The following TMEM169 variants were observed in gnomAD, a reference collection of about 807,000 sequenced individuals.
The protein encoded by TMEM169 is transmembrane protein 169.
TMEM169 carries 18 observed loss-of-function variants against 27.3 expected under a neutral mutation model. The ratio of observed to expected loss-of-function variants is 0.66; its 90% confidence interval spans 0.46 to 0.98. The LOEUF (loss-of-function observed/expected upper bound fraction) is 0.98. Among genes scored for constraint, TMEM169 ranks in the 50% least tolerant of loss-of-function variants. The pLI, the probability that TMEM169 is intolerant of heterozygous loss-of-function variation, is 0.00. For synonymous variants in TMEM169, 136 were observed against 142.1 expected (o/e 0.96, Z 0.30); for missense variants, 320 against 368.6 (o/e 0.87, Z 1.08).
rs765522130 is a variant in TMEM169 at position 216,096,152 on chromosome 2, T to C, written c.189T>C (p.Asp63=). The change falls in exon 2 of 3, where the codon GAT becomes GAC. Residue 63 remains aspartate (D), a synonymous_variant. Coordinates refer to ENST00000437356, the MANE Select transcript of TMEM169 (RefSeq NM_001142311.2). ...ACCGCTCAGACAATGAGAAAACAGA[T>C]GAGGAGCCCGGAGAATCAGAAGGTG... The part of the protein sequence containing the change: ...IIYRSDNEKT[D]EEPGESEGGD... The C allele has an allele frequency of 8.1e-6, 13 of 1,613,902 alleles. No individual in the cohort carries two copies. The highest frequency in any genetic ancestry group is 1.6e-4 in the Middle Eastern group (1 of 6,084).
At chr2:216,093,189 G>A (rs905268741) in intron 1 of TMEM169, among the ~76,000 whole-genome samples, 8 of 150,854 alleles carry the variant, frequency 5.3e-5, no homozygotes, top group African/African-American at 2.0e-4. Flanking sequence ...TCACCTGGGG[G>A]TGGATTGCAT....
At chr2:216,086,252 G>A (rs1430159475) in intron 1 of TMEM169, among the ~76,000 whole-genome samples, 1 of 151,864 alleles carries the variant, frequency 6.6e-6, no homozygotes, top group African/African-American at 2.4e-5. Context: ...TTTAGTAGAG[G>A]GGGTTTCACC....
In TMEM169 at chr2:216,100,053, TAA is replaced by T; in HGVS notation, c.407_408del (p.Lys136ArgfsTer9). 1 of 1,614,052 alleles carries T rather than the reference TAA, an allele frequency of 6.2e-7. No homozygotes were observed. ...EKELQELTKP[K>X]ESSRETTPEG... ...AAGAGCTGCAGGAACTGACCAAACC[TAA>T]AGAGTCATCAAGGGAAACGACGCCT... On this transcript the variant is annotated frameshift_variant, in exon 3 of 3. Transcript: ENST00000437356. LOFTEE classifies it high-confidence loss of function.
At chr2:216,089,566 C>T (rs752880476) in intron 1 of TMEM169, among the ~76,000 whole-genome samples, 6 of 152,206 alleles carry the variant, frequency 3.9e-5, no homozygotes, top group Non-Finnish European at 8.8e-5. Flanking sequence ...AAGCGATTCT[C>T]CTGCCTCAGC....
At chr2:216,090,539 T>C (rs1574432157) in intron 1 of TMEM169, among the ~76,000 whole-genome samples, 1 of 152,254 alleles carries the variant, frequency 6.6e-6, no homozygotes, top group East Asian at 1.9e-4. Context: ...GCTAAGCCAC[T>C]CTCACACTTC....
In TMEM169 at chr2:216,099,588, T is replaced by C. The variant is rs373885713; in HGVS notation, c.272-332T>C. Among the ~76,000 whole-genome samples the C allele has an allele frequency of 1.3e-5, 2 of 152,096 alleles. No individual in the cohort carries two copies. Among genetic ancestry groups the C allele is most frequent in the African/African-American group, 4.8e-5 (2 of 41,388 alleles). ...AGGATCATCATTTGCATCATGTCTG[T>C]ATCAAAGTTCGTCACACTCCTCCGT... On this transcript the variant is annotated intron_variant, in intron 2 of 2. Coordinates refer to ENST00000437356, the MANE Select transcript of TMEM169 (RefSeq NM_001142311.2). This position sits in a 1 kb window ranked among gnomAD's most constrained non-coding sequence, Gnocchi z 5.0.
chr2:216,091,042 A>C (rs1019500183), intron 1 of TMEM169, among the ~76,000 whole-genome samples: 2 of 152,240 alleles, frequency 1.3e-5, no homozygotes, highest in African/African-American at 4.8e-5. Flanking sequence ...AACTCACACT[A>C]GTGTGAAAGT....
rs146540969 is a variant in TMEM169, at chr2:216,098,797, G to A, written c.272-1123G>A. ...GGTGTGTGCGCTGTTTGTGTGTGTC[G>A]TATGGTGTGTGTGTGTAATGTGTGG... On this transcript the variant is annotated intron_variant, in intron 2 of 2. Coordinates refer to ENST00000437356, the MANE Select transcript of TMEM169 (RefSeq NM_001142311.2). Among the ~76,000 whole-genome samples the A allele has an allele frequency of 6.1e-4, 92 of 150,380 alleles. 2 individuals are homozygous for A. The East Asian group carries it at 0.016, about 26-fold the overall frequency.
In TMEM169 at chr2:216,099,777, G is replaced by C; in HGVS notation, c.272-143G>C. 4.4e-6 allele frequency: 5 copies of C among 1,130,200 alleles called. No individual in the cohort carries two copies. The South Asian group carries it at 7.7e-5, about 17-fold the overall frequency. 70.0% of individuals were successfully genotyped at this position (1,130,200 alleles called of 1,614,324 possible). On this transcript the variant is annotated intron_variant, in intron 2 of 2. Transcript: ENST00000437356. The surrounding 1 kb of genome is among the most constrained non-coding windows in gnomAD (Gnocchi z 5.0). The stretch of plus-strand genomic sequence containing the variant: ...CTCCCGAGGGAGACCCACTCAGTCC[G>C]CCATTGAATCACTGACTCAGGACTG...
chr2:216,100,076 C>G lies in TMEM169; in HGVS notation c.428C>G (p.Thr143Arg), dbSNP rs201548005. The change falls in exon 3 of 3, where the codon ACG becomes AGG. Residue 143 changes from threonine (T) to arginine (R), a missense_variant. By Grantham distance (71) the Thr-to-Arg change is moderately conservative. Transcript: ENST00000437356. ...TKPKESSRET[T>R]PEGRMACQMG... ...CCTAAAGAGTCATCAAGGGAAACGA[C>G]GCCTGAAGGAAGAATGGCCTGCCAG... The G allele has an allele frequency of 5.0e-6, 8 of 1,614,162 alleles. No homozygotes were observed. The highest frequency in any genetic ancestry group is 6.8e-6 in the Non-Finnish European group (8 of 1,180,032).
chr2:216,098,468 T>G (rs1186131354), intron 2 of TMEM169, among the ~76,000 whole-genome samples: 1 of 152,056 alleles, frequency 6.6e-6, no homozygotes, highest in East Asian at 1.9e-4. Context: ...GGTGGTGGTG[T>G]TTGCTGTGAT....
In TMEM169 at chr2:216,099,968, C is replaced by A; in HGVS notation, c.320C>A (p.Thr107Asn). The change falls in exon 3 of 3, where the codon ACC (threonine) becomes AAC (asparagine). Residue 107 changes from threonine (T) to asparagine (N), a missense_variant. By Grantham distance (65) the Thr-to-Asn change is moderately conservative (BLOSUM62 0). Transcript: ENST00000437356. This position sits in a 1 kb window ranked among gnomAD's most constrained non-coding sequence, Gnocchi z 5.0. ...AGCCGCTACGTCACCTTAACTGGGACCATCACACGAGGGAAGAAAAAGGGT... is the reference window on the plus strand; with the variant it reads ...AGCCGCTACGTCACCTTAACTGGGAACATCACACGAGGGAAGAAAAAGGGT... ...LDSRYVTLTG[T>N]ITRGKKKGQM... The A allele has an allele frequency of 6.2e-7, 1 of 1,614,080 alleles. No individual in the cohort carries two copies. The highest frequency in any genetic ancestry group is 8.5e-7 in the Non-Finnish European group (1 of 1,180,008).
chr2:216,100,546 C>A lies in TMEM169; in HGVS notation c.*4C>A. On this transcript the variant is annotated 3_prime_UTR_variant, in exon 3 of 3. Coordinates refer to ENST00000437356, the MANE Select transcript of TMEM169 (RefSeq NM_001142311.2). The stretch of plus-strand genomic sequence containing the variant: ...AGTAGAAACCTCCACGGTCTAAACT[C>A]CCAACAACTTACTCCCTCCTCTGGC... 1 of 1,614,062 alleles carries A rather than the reference C, an allele frequency of 6.2e-7. No individual in the cohort carries two copies. Among genetic ancestry groups the A allele is most frequent in the Non-Finnish European group, 8.5e-7 (1 of 1,180,012 alleles).
At chr2:216,082,178 C>T in intron 1 of TMEM169, 199 bp downstream of exon 1, 1 of 164,654 alleles carries the variant, frequency 6.1e-6, no homozygotes, top group Non-Finnish European at 1.3e-5. Context: ...TGCTGCTCGG[C>T]GCCCTCGCTG....
Position 216,100,665 on chromosome 2 carries a change from T to C in TMEM169, c.*123T>C. ...AGTTCTTCTGGGAAATCAGAGTCCA[T>C]ACTGATCAGTTTTACCATCTTGAGG... On this transcript the variant is annotated 3_prime_UTR_variant, in exon 3 of 3. Transcript: ENST00000437356. The C allele has an allele frequency of 7.4e-7, 1 of 1,352,416 alleles. No homozygotes were observed. Among genetic ancestry groups the C allele is most frequent in the South Asian group, 1.3e-5 (1 of 74,598 alleles). The allele number at this position is 1,352,416 out of a possible 1,614,324, so 83.8% of individuals were successfully genotyped here.
At chr2:216,094,218 T>C (rs1696207732) in intron 1 of TMEM169, among the ~76,000 whole-genome samples, 1 of 152,186 alleles carries the variant, frequency 6.6e-6, no homozygotes, top group Admixed American at 6.5e-5. Context: ...AAGCTTGCGA[T>C]TCTGAATAAT....
chr2:216,087,445 AAG>A (rs1304949375), intron 1 of TMEM169, among the ~76,000 whole-genome samples: 1 of 152,208 alleles, frequency 6.6e-6, no homozygotes, highest in African/African-American at 2.4e-5. Flanking sequence ...AATTAACAAA[AAG>A]ATTTCATAGG....
chr2:216,095,109 C>CTTTTTTTTTTCT lies in TMEM169; in HGVS notation c.-126-719_-126-718insCTTTTTTTTTTT, dbSNP rs1553564688. Among the ~76,000 whole-genome samples, 225 of 110,474 alleles carry CTTTTTTTTTTCT rather than the reference C, an allele frequency of 2.0e-3. 20 individuals are homozygous for CTTTTTTTTTTCT. Among genetic ancestry groups the CTTTTTTTTTTCT allele is most frequent in the African/African-American group, 8.5e-3 (208 of 24,528 alleles). 72.5% of individuals were successfully genotyped at this position (110,474 alleles called of 152,430 possible). On this transcript the variant is annotated intron_variant, in intron 1 of 2. Transcript: ENST00000437356. Reference sequence around the variant, plus strand: ...AGCCACCTATGGTTCTTTTTTCTTTCTTTTTTTTTTTTTTGACAGAGTCTC... The same window carrying CTTTTTTTTTTCT: ...AGCCACCTATGGTTCTTTTTTCTTTCTTTTTTTTTTCTTTTTTTTTTTTTTTGACAGAGTCTC...
chr2:216,095,460 A>C (rs1326170979), intron 1 of TMEM169, among the ~76,000 whole-genome samples: 1 of 152,016 alleles, frequency 6.6e-6, no homozygotes, highest in African/African-American at 2.4e-5. Flanking sequence ...GCATGCTCCA[A>C]CTAGAGGCTG....
Sources: allele counts gnomAD v4.1 joint callset (sites outside exome capture counted in the v4.1 genomes callset), GRCh38; gene constraint gnomAD v4.1.1; non-coding constraint Gnocchi (gnomAD v3.1); transcripts MANE v1.5; gene names NCBI Gene and HGNC (gene_info 2026-07-23, HGNC 2026-07-21).